The following RARB variants were observed in gnomAD, a reference collection of about 807,000 sequenced individuals.
The protein encoded by RARB is HBV-activated protein.
RARB carries 17 observed loss-of-function variants against 51.9 expected under a neutral mutation model. The observed-to-expected ratio is 0.33, with a 90% CI of 0.22 to 0.49. RARB has a LOEUF of 0.49. Among genes scored for constraint, RARB ranks in the 20% least tolerant of loss-of-function variants. RARB has a pLI of 0.99. For synonymous variants in RARB, 215 were observed against 195.4 expected (o/e 1.10, Z -0.84); for missense variants, 369 against 550.8 (o/e 0.67, Z 3.30).
intron 3 of RARB, among the ~76,000 whole-genome samples, chr3:25,107,729 T>C (rs987893559): frequency 6.6e-6 from 1 of 152,190 alleles, no homozygotes; most frequent in East Asian, 1.9e-4. Context: ...AAAATGGTAA[T>C]AATATGCTGT....
intron 5 of RARB, among the ~76,000 whole-genome samples, chr3:25,266,434 G>A (rs986021560): frequency 2.6e-5 from 4 of 151,902 alleles, no homozygotes; most frequent in African/African-American, 9.7e-5. Flanking sequence ...ATTTATTGGA[G>A]TTTTTTATAT....
intron 5 of RARB, among the ~76,000 whole-genome samples, chr3:25,211,055 TAATA>T (rs1701684324): frequency 6.6e-6 from 1 of 152,188 alleles, no homozygotes; most frequent in Non-Finnish European, 1.5e-5. Flanking sequence ...AAAGATTAAT[TAATA>T]AAGTTACAGC....
chr3:24,859,913 G>T (rs143132986), intron 2 of RARB, among the ~76,000 whole-genome samples: 68 of 152,192 alleles, frequency 4.5e-4, no homozygotes, highest in African/African-American at 1.6e-3. Context: ...CTCAGGTGTT[G>T]TAAAATATAT....
At chr3:24,981,263 A>T (rs1352463293) in intron 2 of RARB, among the ~76,000 whole-genome samples, 1 of 152,186 alleles carries the variant, frequency 6.6e-6, no homozygotes, top group Non-Finnish European at 1.5e-5. Context: ...CTCTTCATGG[A>T]TCTTGAACGC....
intron 5 of RARB, among the ~76,000 whole-genome samples, chr3:25,408,709 A>G (rs1359119115): frequency 6.6e-6 from 1 of 152,132 alleles, no homozygotes; most frequent in African/African-American, 2.4e-5. Flanking sequence ...TCAAGCAACA[A>G]CAGTGTATAT....
At chr3:25,446,040 A>G (rs1708916783) in intron 1 of RARB, among the ~76,000 whole-genome samples, 1 of 152,256 alleles carries the variant, frequency 6.6e-6, no homozygotes, top group South Asian at 2.1e-4. Flanking sequence ...AATAGACAGA[A>G]TATGTGGGAA....
At chr3:24,904,100 C>T (rs1694794168) in intron 2 of RARB, among the ~76,000 whole-genome samples, 1 of 152,138 alleles carries the variant, frequency 6.6e-6, no homozygotes, top group Non-Finnish European at 1.5e-5. Context: ...ACAACAAGAA[C>T]AAAATTGTCA....
chr3:25,466,269 C>T (rs1180853495), intron 2 of RARB, among the ~76,000 whole-genome samples: 2 of 152,136 alleles, frequency 1.3e-5, no homozygotes, highest in Non-Finnish European at 2.9e-5. Flanking sequence ...CTCACTGCAA[C>T]CTCTGCCTCC....
chr3:24,989,165 C>T (rs573410321), intron 2 of RARB, among the ~76,000 whole-genome samples: 2 of 152,264 alleles, frequency 1.3e-5, no homozygotes, highest in Admixed American at 6.5e-5. Flanking sequence ...CAGTGCTTTT[C>T]CTTGTACTTA....
chr3:25,192,816 C>G (rs971515100), intron 5 of RARB, among the ~76,000 whole-genome samples: 1 of 151,944 alleles, frequency 6.6e-6, no homozygotes, highest in Admixed American at 6.6e-5. Context: ...TGGTCTTACT[C>G]ATAATTGGGA....
chr3:24,905,643 T>C (rs1405291100), intron 2 of RARB, among the ~76,000 whole-genome samples: 1 of 152,216 alleles, frequency 6.6e-6, no homozygotes, highest in Non-Finnish European at 1.5e-5. Flanking sequence ...TTTCTTTCCT[T>C]CTTCCCACCT....
In RARB at chr3:25,578,895, C is replaced by T. The variant is rs1453720058; in HGVS notation, c.610-1651C>T. 2.6e-5 allele frequency among the ~76,000 whole-genome samples: 4 copies of T among 152,218 alleles called. No homozygotes were observed. In the East Asian group the frequency reaches 7.7e-4, roughly 29 times the overall value. The stretch of plus-strand genomic sequence containing the variant: ...GATATCAGTTTGAGAAACACAGTAC[C>T]TCTCCTGAGCTGTTTACATTTGTCA... On this transcript the variant is annotated intron_variant, in intron 4 of 7. Coordinates refer to ENST00000330688, the MANE Select transcript of RARB (RefSeq NM_000965.5).
chr3:25,147,106 C>G (rs902649406), intron 4 of RARB, among the ~76,000 whole-genome samples: 2 of 152,172 alleles, frequency 1.3e-5, no homozygotes, highest in South Asian at 2.1e-4. Flanking sequence ...TGTTTCTAAA[C>G]TCACGTGAAG....
intron 5 of RARB, among the ~76,000 whole-genome samples, chr3:25,210,295 G>T (rs1701660057): frequency 6.6e-6 from 1 of 152,050 alleles, no homozygotes; most frequent in Admixed American, 6.6e-5. Flanking sequence ...GCAGCACAGT[G>T]CTAGGCATAT....
chr3:25,571,390 A>C (rs533280402), intron 4 of RARB, among the ~76,000 whole-genome samples: 40 of 152,358 alleles, frequency 2.6e-4, no homozygotes, highest in African/African-American at 9.4e-4. Context: ...TCTGAAGAGC[A>C]AATGAGCCGG....
chr3:25,383,318 G>A (rs552409060), intron 5 of RARB, among the ~76,000 whole-genome samples: 2 of 152,274 alleles, frequency 1.3e-5, no homozygotes, highest in Non-Finnish European at 2.9e-5. Flanking sequence ...TGCACAAGAC[G>A]GTCTCTAGTT....
chr3:25,005,318 G>A (rs1697247469), intron 2 of RARB, among the ~76,000 whole-genome samples: 1 of 152,070 alleles, frequency 6.6e-6, no homozygotes, highest in Non-Finnish European at 1.5e-5. Context: ...TATTTTTTCT[G>A]TGGGTCAAGA....
At chr3:25,076,464 G>T (rs769169810) in intron 3 of RARB, among the ~76,000 whole-genome samples, 1 of 152,148 alleles carries the variant, frequency 6.6e-6, no homozygotes, top group Non-Finnish European at 1.5e-5. Flanking sequence ...GCAGTTACTA[G>T]AAATCTGTGG....
chr3:24,882,411 C>T (rs1222411914), intron 2 of RARB, among the ~76,000 whole-genome samples: 2 of 152,100 alleles, frequency 1.3e-5, no homozygotes, highest in African/African-American at 4.8e-5. Context: ...TATAAGCAAT[C>T]TAGAGATGAT....
Sources: gnomAD v4.1 joint callset for allele counts (sites outside exome capture counted in the v4.1 genomes callset) on GRCh38, gnomAD v4.1.1 for gene constraint, MANE v1.5 for transcripts, NCBI Gene and HGNC (gene_info 2026-07-23, HGNC 2026-07-21) for gene names.